Variants in ENTREP2 observed in about 807,000 individuals in gnomAD.
ENTREP2 encodes endosomal transmembrane epsin interactor 2, also known as protein ENTREP2.
chr15:29,399,349 A>G, the ENTREP2 span, among the ~76,000 whole-genome samples: 4 of 152,242 alleles, frequency 2.6e-5, no homozygotes, highest in Non-Finnish European at 4.4e-5. Flanking sequence ...TGCTTGTGGC[A>G]ATTTGCCACA....
At chr15:29,418,001 T>C in the ENTREP2 span, among the ~76,000 whole-genome samples, 3 of 152,204 alleles carry the variant, frequency 2.0e-5, no homozygotes, top group Non-Finnish European at 4.4e-5. Context: ...ACTGTAAGAA[T>C]AGAAGCCATT....
At chr15:29,608,003 A>G in the ENTREP2 span, among the ~76,000 whole-genome samples, 3 of 152,170 alleles carry the variant, frequency 2.0e-5, no homozygotes, top group African/African-American at 7.2e-5. Flanking sequence ...GTTTGAGGGC[A>G]GGAAGCATCC....
At chr15:29,125,619 C>T in the ENTREP2 span, among the ~76,000 whole-genome samples, 1 of 152,194 alleles carries the variant, frequency 6.6e-6, no homozygotes, top group African/African-American at 2.4e-5. Context: ...GTCAAAGGCC[C>T]ACCAATCTTT....
chr15:29,163,470 A>G, the ENTREP2 span, among the ~76,000 whole-genome samples: 1 of 152,134 alleles, frequency 6.6e-6, no homozygotes, highest in Non-Finnish European at 1.5e-5. Flanking sequence ...AAAGAAAAAA[A>G]AATAAATAAA....
chr15:29,444,475 C>CTTTTTTTCT, the ENTREP2 span, among the ~76,000 whole-genome samples: 1 of 140,168 alleles, frequency 7.1e-6, no homozygotes, highest in Non-Finnish European at 1.5e-5. Context: ...TTCTTTTTTT[C>CTTTTTTTCT]TTTTTTTTCT....
At chr15:29,302,501 G>A in the ENTREP2 span, among the ~76,000 whole-genome samples, 1 of 152,270 alleles carries the variant, frequency 6.6e-6, no homozygotes, top group South Asian at 2.1e-4. Context: ...AGTTGATAAA[G>A]TTTAAGTCCA....
chr15:29,639,035 T>C, the ENTREP2 span, among the ~76,000 whole-genome samples: 2 of 152,254 alleles, frequency 1.3e-5, no homozygotes, highest in Admixed American at 1.3e-4. Context: ...TGACTCAGTG[T>C]GAGACTTTGT....
At chr15:29,226,024 T>G in the ENTREP2 span, among the ~76,000 whole-genome samples, 1 of 152,176 alleles carries the variant, frequency 6.6e-6, no homozygotes, top group Non-Finnish European at 1.5e-5. Context: ...ACGTCTTTCT[T>G]TGGAGCCCGA....
At chr15:29,466,908 C>A in the ENTREP2 span, among the ~76,000 whole-genome samples, 1 of 128,626 alleles carries the variant, frequency 7.8e-6, no homozygotes. Context: ...ATGCTGCAGC[C>A]CCCAGGGTAG....
the ENTREP2 span, among the ~76,000 whole-genome samples, chr15:29,237,680 G>C: frequency 6.6e-6 from 1 of 152,204 alleles, no homozygotes; most frequent in Non-Finnish European, 1.5e-5. Flanking sequence ...AGGATGTAGA[G>C]AAACTGGAAC....
the ENTREP2 span, among the ~76,000 whole-genome samples, chr15:29,414,426 A>C: frequency 2.6e-5 from 4 of 152,210 alleles, no homozygotes; most frequent in African/African-American, 9.7e-5. Flanking sequence ...ATGAAGGCAG[A>C]AATAAAGATG....
At chr15:29,466,485 G>T in the ENTREP2 span, among the ~76,000 whole-genome samples, 1 of 149,270 alleles carries the variant, frequency 6.7e-6, no homozygotes, top group Middle Eastern at 3.4e-3. Context: ...GGAGGGTCCA[G>T]GGGAGGATGC....
chr15:29,403,460 A>T, the ENTREP2 span, among the ~76,000 whole-genome samples: 1 of 152,208 alleles, frequency 6.6e-6, no homozygotes, highest in Non-Finnish European at 1.5e-5. Flanking sequence ...TTGTTGATAC[A>T]GAACATTAAT....
At chr15:29,657,434 C>A in the ENTREP2 span, among the ~76,000 whole-genome samples, 2 of 144,092 alleles carry the variant, frequency 1.4e-5, no homozygotes, top group Non-Finnish European at 3.0e-5. Context: ...ACAAAGCTTC[C>A]ACCACACAGA....
the ENTREP2 span, among the ~76,000 whole-genome samples, chr15:29,409,202 G>C: frequency 1.3e-5 from 2 of 152,080 alleles, no homozygotes; most frequent in African/African-American, 4.8e-5. Flanking sequence ...GTAGGCAAGG[G>C]TTTTAATACA....
chr15:29,236,814 A>G, the ENTREP2 span, among the ~76,000 whole-genome samples: 57,188 of 151,958 alleles, frequency 0.38, 11,244 homozygotes, highest in East Asian at 0.6. Context: ...TGAAGACTTC[A>G]CAACACATTT....
At chr15:29,148,791 AC>A in the ENTREP2 span, among the ~76,000 whole-genome samples, 1 of 151,522 alleles carries the variant, frequency 6.6e-6, no homozygotes, top group Admixed American at 6.6e-5. Flanking sequence ...GAATCTAACA[AC>A]CCTTTTCTGT....
chr15:29,360,698 G>A, the ENTREP2 span, among the ~76,000 whole-genome samples: 255 of 152,298 alleles, frequency 1.7e-3, 3 homozygotes, highest in South Asian at 9.3e-3. Flanking sequence ...ACGTGGAACA[G>A]GAGACCGAGG....
chr15:29,388,195 G>A, the ENTREP2 span, among the ~76,000 whole-genome samples: 1 of 152,068 alleles, frequency 6.6e-6, no homozygotes, highest in Non-Finnish European at 1.5e-5. Flanking sequence ...CTACAGAATG[G>A]GAGAAAATTT....
Sources: gnomAD v4.1 joint callset for allele counts (sites outside exome capture counted in the v4.1 genomes callset) on GRCh38, gnomAD v4.1.1 for gene constraint, MANE v1.5 for transcripts, NCBI Gene and HGNC (gene_info 2026-07-23, HGNC 2026-07-21) for gene names.